Variants in SIRT5 observed in about 807,000 individuals in gnomAD.
SIRT5 encodes the protein NAD-dependent protein deacylase sirtuin-5, mitochondrial.
In SIRT5, 26 loss-of-function variants were observed where a neutral mutation model predicts 40.0. The observed-to-expected ratio is 0.65, with a 90% CI of 0.48 to 0.90. SIRT5 has a LOEUF of 0.90. SIRT5 is among the 40% of genes least tolerant of loss of function. The pLI is 0.00. For synonymous variants in SIRT5, 146 were observed against 149.1 expected (o/e 0.98, Z 0.15); for missense variants, 401 against 402.4 (o/e 1.00, Z 0.03).
At chr6:13,597,252 T>C (rs1393569328) in intron 7 of SIRT5, among the ~76,000 whole-genome samples, 1 of 152,008 alleles carries the variant, frequency 6.6e-6, no homozygotes, top group African/African-American at 2.4e-5. Context: ...GTAGGATCAT[T>C]TGAGGTCGGG....
intron 3 of SIRT5, 21 bp downstream of exon 3, chr6:13,584,246 C>T: frequency 1.9e-6 from 3 of 1,549,266 alleles, no homozygotes; most frequent in Non-Finnish European, 2.7e-6. Context: ...TTACCCATTG[C>T]CTCACCTGCA....
intron 3 of SIRT5, among the ~76,000 whole-genome samples, chr6:13,587,785 A>G (rs1013567825): frequency 1.3e-5 from 2 of 152,230 alleles, no homozygotes; most frequent in Admixed American, 6.5e-5. Context: ...GTGTCCTCAA[A>G]TAAGACCCTT....
intron 8 of SIRT5, 113 bp downstream of exon 8, chr6:13,599,268 TCCTC>T (rs1261572198): frequency 7.1e-6 from 8 of 1,121,544 alleles, no homozygotes; most frequent in Non-Finnish European, 6.2e-6. Flanking sequence ...CCGCCTTCTC[TCCTC>T]CCTCCATTTC....
chr6:13,605,686 A>C (rs970656634), intron 9 of SIRT5: 5 of 985,292 alleles, frequency 5.1e-6, no homozygotes, highest in Admixed American at 6.1e-5. Flanking sequence ...ATATTGGATG[A>C]TTTCTGATAA....
chr6:13,579,707 C>T (rs1026498330), intron 2 of SIRT5, 98 bp downstream of exon 2: 2 of 152,234 alleles, frequency 1.3e-5, no homozygotes, highest in African/African-American at 4.8e-5. Context: ...TTGATCTTCA[C>T]AATTTTCATG....
chr6:13,592,413 A>G (rs1283312141), intron 5 of SIRT5, among the ~76,000 whole-genome samples: 3 of 152,216 alleles, frequency 2.0e-5, no homozygotes, highest in Non-Finnish European at 4.4e-5. Context: ...GCAGGAGCAG[A>G]CTGCAGCATC....
intron 4 of SIRT5, among the ~76,000 whole-genome samples, chr6:13,590,310 C>T (rs1760683386): frequency 1.3e-5 from 2 of 152,190 alleles, no homozygotes; most frequent in African/African-American, 4.8e-5. Flanking sequence ...CAGCCCCAGA[C>T]AACCCCTACT....
At chr6:13,611,170 C>A (rs1763787964) in intron 9 of SIRT5, among the ~76,000 whole-genome samples, 1 of 131,706 alleles carries the variant, frequency 7.6e-6, no homozygotes, top group Non-Finnish European at 1.6e-5. Context: ...CTCAGTACTA[C>A]CTGTGAATGC....
At chr6:13,600,337 C>T (rs1427701933) in intron 8 of SIRT5, among the ~76,000 whole-genome samples, 1 of 152,184 alleles carries the variant, frequency 6.6e-6, no homozygotes, top group African/African-American at 2.4e-5. Flanking sequence ...ACAGGTCATG[C>T]TCTTCCCATC....
At chr6:13,600,384 G>A (rs1762215634) in intron 8 of SIRT5, among the ~76,000 whole-genome samples, 1 of 152,160 alleles carries the variant, frequency 6.6e-6, no homozygotes, top group African/African-American at 2.4e-5. Flanking sequence ...ATTTATAAGA[G>A]AAAACCTAAG....
chr6:13,603,815 T>C (rs1156266732), intron 9 of SIRT5, among the ~76,000 whole-genome samples: 1 of 152,196 alleles, frequency 6.6e-6, no homozygotes, highest in Non-Finnish European at 1.5e-5. Context: ...GACTGAAGGA[T>C]GAATAAATAA....
intron 9 of SIRT5, among the ~76,000 whole-genome samples, chr6:13,608,675 T>G (rs1335177181): frequency 6.6e-6 from 1 of 152,180 alleles, no homozygotes; most frequent in Non-Finnish European, 1.5e-5. Flanking sequence ...ATTATTTAAT[T>G]TTTTCAATTT....
chr6:13,591,956 A>C lies in SIRT5; in HGVS notation c.475+62A>C, dbSNP rs920802918. ...TTTAAAACACCTGTCCTGCTGTTTCAGCATCACCTCTGGTGCCTTCCCTCC... is the reference window on the plus strand; with the variant it reads ...TTTAAAACACCTGTCCTGCTGTTTCCGCATCACCTCTGGTGCCTTCCCTCC... On this transcript the variant is annotated intron_variant, in intron 5 of 9. Coordinates refer to ENST00000606117, the MANE Select transcript of SIRT5 (RefSeq NM_012241.5). 8 of 1,467,168 alleles carry C rather than the reference A, an allele frequency of 5.5e-6. No homozygotes were observed. The South Asian group carries it at 9.7e-5, about 18-fold the overall frequency. The allele number at this position is 1,467,168 out of a possible 1,614,324, so 90.9% of individuals were successfully genotyped here.
At position 13,600,852 on chromosome 6, in the gene SIRT5, G is replaced by A. The variant is rs1762281251; in HGVS notation, c.760G>A (p.Val254Met). 6.2e-7 allele frequency: 1 copy of A among 1,613,766 alleles called. No homozygotes were observed. ...LCLVVGTSSV[V>M]YPAAMFAPQV... The stretch of plus-strand genomic sequence containing the variant: ...CTTGTAGGTGGGCACTTCCTCTGTG[G>A]TGTACCCAGCAGCCATGTTTGCCCC... The change falls in exon 9 of 10, where the codon GTG becomes ATG. Residue 254 changes from valine to methionine, a missense_variant. Val to Met is a conservative substitution (Grantham distance 21). Transcript: ENST00000606117.
rs1208627892 is a variant in SIRT5 at position 13,607,446 on chromosome 6, A to T, written c.858-4344A>T. Reference sequence around the variant, plus strand: ...GTGACTCAGTATGTCTTTCCCAAGCATTCAACTAGTTTTCCTAGAAATAAC... The same window carrying T: ...GTGACTCAGTATGTCTTTCCCAAGCTTTCAACTAGTTTTCCTAGAAATAAC... On this transcript the variant is annotated intron_variant, in intron 9 of 9. Transcript: ENST00000606117. The surrounding 1 kb of genome is among the most constrained non-coding windows in gnomAD (Gnocchi z 4.0). Among the ~76,000 whole-genome samples, 1 of 152,196 alleles carries T rather than the reference A, an allele frequency of 6.6e-6. No homozygotes were observed. The highest frequency in any genetic ancestry group is 1.9e-4 in the East Asian group (1 of 5,198).
chr6:13,611,916 G>T lies in SIRT5; in HGVS notation c.*51G>T. The T allele has an allele frequency of 6.4e-7, 1 of 1,558,682 alleles. No individual in the cohort carries two copies. ...AGTATATCTAAGAACTAGGCCACAC[G>T]CAGAGGAGAAATGGTCTTATGGGTG... On this transcript the variant is annotated 3_prime_UTR_variant, in exon 10 of 10. Transcript: ENST00000606117.
At chr6:13,598,487 G>A (rs1349577890) in intron 7 of SIRT5, among the ~76,000 whole-genome samples, 4 of 152,140 alleles carry the variant, frequency 2.6e-5, no homozygotes, top group African/African-American at 9.7e-5. Flanking sequence ...GGAAAGCTTA[G>A]CTGAAACAAT....
chr6:13,603,151 T>C (rs924038866), intron 9 of SIRT5, among the ~76,000 whole-genome samples: 2 of 151,258 alleles, frequency 1.3e-5, no homozygotes, highest in East Asian at 3.9e-4. Flanking sequence ...GTGGTGGGCG[T>C]CTGTAGTCCC....
Position 13,591,705 on chromosome 6 carries a change from TC to T in SIRT5, c.289del (p.Arg97GlyfsTer25). 2 of 1,605,708 alleles carry T rather than the reference TC, an allele frequency of 1.2e-6. No individual in the cohort carries two copies. The highest frequency in any genetic ancestry group is 1.7e-6 in the Non-Finnish European group (2 of 1,174,122). ...TCCCCTGGCCTTTGCCCACAACCCGTCCCGGGTGTGGGAGTTCTACCACTAC... is the reference window on the plus strand; with the variant it reads ...TCCCCTGGCCTTTGCCCACAACCCGTCCGGGTGTGGGAGTTCTACCACTAC... Reference protein sequence around the residue: ...ATPLAFAHNPSRVWEFYHYRR... With the variant: ...ATPLAFAHNPXRVWEFYHYRR... On this transcript the variant is annotated frameshift_variant, in exon 5 of 10. Transcript: ENST00000606117. LOFTEE classifies it high-confidence loss of function.
Sources: allele counts gnomAD v4.1 joint callset (sites outside exome capture counted in the v4.1 genomes callset), GRCh38; gene constraint gnomAD v4.1.1; non-coding constraint Gnocchi (gnomAD v3.1); transcripts MANE v1.5; gene names NCBI Gene and HGNC (gene_info 2026-07-23, HGNC 2026-07-21).